The following MCC variants were observed in gnomAD, a reference collection of about 807,000 sequenced individuals.
The protein encoded by MCC is MCC regulator of Wnt signaling pathway.
A neutral mutation model predicts 116.2 loss-of-function variants in MCC; 90 were observed. The ratio of observed to expected loss-of-function variants is 0.77; its 90% confidence interval spans 0.65 to 0.92. The LOEUF is 0.92. MCC is among the 40% of genes least tolerant of loss of function. The pLI is 0.00. For missense variants in MCC, 1,516 were observed against 1,312.2 expected (o/e 1.16, Z -2.40); for synonymous variants, 578 against 510.5 (o/e 1.13, Z -1.78).
Position 113,120,042 on chromosome 5 carries a change from T to C in MCC, c.1027+2642A>G, listed in dbSNP as rs549155455. Among the ~76,000 whole-genome samples the C allele has an allele frequency of 5.9e-4, 90 of 152,178 alleles. 1 individual carries two copies. The highest frequency in any genetic ancestry group is 1.1e-3 in the Non-Finnish European group (77 of 68,042). On this transcript the variant is annotated intron_variant, in intron 6 of 18. Transcript: ENST00000408903. The stretch of plus-strand genomic sequence containing the variant: ...ATTTAATTATGGAACTTTGTTGGAG[T>C]ACAGGTCATTTATTAATTCCATAAA...
At chr5:113,477,406 A>T (rs1772261104) in intron 1 of MCC, among the ~76,000 whole-genome samples, 3 of 152,248 alleles carry the variant, frequency 2.0e-5, no homozygotes, top group Admixed American at 1.3e-4. Context: ...GGCTGGATTT[A>T]CCGTTTCACC....
chr5:113,327,561 A>AAAAAAATATATAT (rs1480996383), intron 3 of MCC, among the ~76,000 whole-genome samples: 10 of 80,554 alleles, frequency 1.2e-4, no homozygotes, highest in African/African-American at 4.0e-4. Context: ...AAAAAAAAAA[A>AAAAAAATATATAT]ATATATATAT....
At position 113,076,860 on chromosome 5, in the gene MCC, G is replaced by A. The variant is rs140449355; in HGVS notation, c.1785-5626C>T. On this transcript the variant is annotated intron_variant, in intron 11 of 18. Transcript: ENST00000408903. The stretch of plus-strand genomic sequence containing the variant: ...TGTTTCAATTAAAAGACACAGACTG[G>A]CAAATTGGATAAAGAGTCAAGACCC... 8.2e-3 allele frequency among the ~76,000 whole-genome samples: 1,249 copies of A among 152,240 alleles called. 12 individuals carry two copies. Among genetic ancestry groups the A allele is most frequent in the Middle Eastern group, 0.027 (8 of 294 alleles).
At chr5:113,178,873 T>C (rs73244732) in intron 3 of MCC, among the ~76,000 whole-genome samples, 1 of 152,174 alleles carries the variant, frequency 6.6e-6, no homozygotes, top group African/African-American at 2.4e-5. Flanking sequence ...TGGTCTCTTG[T>C]GATTACAGTC....
At chr5:113,464,969 A>G (rs1428134838) in intron 1 of MCC, among the ~76,000 whole-genome samples, 5 of 152,150 alleles carry the variant, frequency 3.3e-5, no homozygotes, top group African/African-American at 1.2e-4. Context: ...CCTCTTAACA[A>G]AAAATTGGCT....
chr5:113,085,471 C>T (rs772689892), intron 8 of MCC, among the ~76,000 whole-genome samples, 161 bp from the exon 9 acceptor site: 2 of 151,854 alleles, frequency 1.3e-5, no homozygotes, highest in Non-Finnish European at 2.9e-5. Flanking sequence ...TTCCTTTTTT[C>T]GGACTAATAA....
At chr5:113,062,743 C>A (rs1174938879) in intron 14 of MCC, among the ~76,000 whole-genome samples, 2 of 152,190 alleles carry the variant, frequency 1.3e-5, no homozygotes, top group Non-Finnish European at 2.9e-5. Flanking sequence ...AATCAAGTCC[C>A]TTTTGTTTGT....
chr5:113,068,904 C>G (rs1302230128), intron 12 of MCC, among the ~76,000 whole-genome samples: 4 of 152,216 alleles, frequency 2.6e-5, no homozygotes, highest in East Asian at 3.8e-4. Flanking sequence ...TAAGCCACCC[C>G]CAGGTTCCTG....
intron 1 of MCC, chr5:113,437,132 C>T (rs922724281): frequency 1.3e-5 from 2 of 151,630 alleles, no homozygotes; most frequent in Non-Finnish European, 2.9e-5. Flanking sequence ...TGAAAAATAT[C>T]CAATGTTATG....
At chr5:113,317,120 G>A (rs760614559) in intron 3 of MCC, among the ~76,000 whole-genome samples, 21 of 152,146 alleles carry the variant, frequency 1.4e-4, no homozygotes, top group East Asian at 5.8e-4. Context: ...TCCTTAAAGC[G>A]GGATACCAGG....
At chr5:113,081,427 A>G (rs576969525) in intron 11 of MCC, among the ~76,000 whole-genome samples, 10 of 152,284 alleles carry the variant, frequency 6.6e-5, no homozygotes, top group African/African-American at 2.4e-4. Flanking sequence ...GTTAAACACC[A>G]TAATAACATC....
chr5:113,107,208 C>CTTTTTTTTTTTTTTTTTTTTTT (rs746820475), intron 6 of MCC, among the ~76,000 whole-genome samples: 2 of 125,070 alleles, frequency 1.6e-5, no homozygotes, highest in African/African-American at 3.5e-5. Context: ...GCATGTTTTT[C>CTTTTTTTTTTTTTTTTTTTTTT]TTTTTTTTTT....
At chr5:113,208,886 T>A (rs73244745) in intron 3 of MCC, among the ~76,000 whole-genome samples, 3,935 of 152,240 alleles carry the variant, frequency 0.026, 160 homozygotes, top group African/African-American at 0.09. Context: ...TATATTACAA[T>A]TCGCTAGAAA....
intron 2 of MCC, among the ~76,000 whole-genome samples, chr5:113,374,122 A>C (rs1342863080): frequency 4.0e-5 from 6 of 151,752 alleles, no homozygotes. Context: ...TGAACCCCTG[A>C]GCTCAAGTAA....
intron 1 of MCC, among the ~76,000 whole-genome samples, chr5:113,408,928 G>A (rs1452724621): frequency 7.2e-5 from 11 of 152,092 alleles, no homozygotes; most frequent in African/African-American, 2.7e-4. Flanking sequence ...ACTAAGTAAG[G>A]CTTTATTTGA....
intron 1 of MCC, among the ~76,000 whole-genome samples, chr5:113,408,604 G>A (rs1230007532): frequency 6.6e-6 from 1 of 152,168 alleles, no homozygotes; most frequent in Non-Finnish European, 1.5e-5. Context: ...CATGACCTGG[G>A]AACTGGTTAG....
At chr5:113,375,427 T>C (rs1016284064) in intron 2 of MCC, among the ~76,000 whole-genome samples, 5 of 152,204 alleles carry the variant, frequency 3.3e-5, no homozygotes, top group African/African-American at 1.2e-4. Context: ...CTCTATGTGT[T>C]TCATGTTTAC....
intron 3 of MCC, among the ~76,000 whole-genome samples, chr5:113,216,182 A>G (rs925543358): frequency 2.7e-5 from 4 of 149,014 alleles, no homozygotes; most frequent in African/African-American, 1.0e-4. Flanking sequence ...CAGAGACCAT[A>G]TACCCTGCAA....
At chr5:113,488,180 G>C (rs1327484163) in intron 1 of MCC, 65 bp downstream of exon 1, 4 of 1,503,556 alleles carry the variant, frequency 2.7e-6, no homozygotes, top group South Asian at 2.5e-5. Context: ...GGGCAGAGCA[G>C]GGGTCAAGGG....
Sources: allele counts gnomAD v4.1 joint callset (sites outside exome capture counted in the v4.1 genomes callset), GRCh38; gene constraint gnomAD v4.1.1; transcripts MANE v1.5; gene names NCBI Gene and HGNC (gene_info 2026-07-23, HGNC 2026-07-21).